CNTN5: variants seen among roughly 807,000 people sequenced by gnomAD.
The protein encoded by CNTN5 is contactin 5, also known as contactin-5.
In CNTN5, 77 loss-of-function variants were observed where a neutral mutation model predicts 129.1. That is an observed-to-expected ratio of 0.60 (90% confidence interval 0.50 to 0.72). The LOEUF is 0.72. CNTN5 is among the 30% of genes least tolerant of loss of function. The pLI, the probability that CNTN5 is intolerant of heterozygous loss-of-function variation, is 0.00. For missense variants in CNTN5, 1,478 were observed against 1,328.8 expected, an observed-to-expected ratio of 1.11 and a Z score of -1.75; for synonymous variants, 509 against 465.6, an observed-to-expected ratio of 1.09 and a Z score of -1.20.
chr11:99,630,467 C>T (rs1373723871), intron 3 of CNTN5, among the ~76,000 whole-genome samples: 1 of 151,960 alleles, frequency 6.6e-6, no homozygotes, highest in African/African-American at 2.4e-5. Context: ...ATAGGTGACT[C>T]AAATGATTAC....
intron 13 of CNTN5, among the ~76,000 whole-genome samples, chr11:100,138,221 C>G (rs569361088): frequency 1.3e-5 from 2 of 148,228 alleles, no homozygotes; most frequent in African/African-American, 5.0e-5. Flanking sequence ...GTTCTGTAGG[C>G]AAGTGGATAT....
chr11:99,097,317 T>C (rs191865696), intron 1 of CNTN5, among the ~76,000 whole-genome samples: 2 of 152,010 alleles, frequency 1.3e-5, no homozygotes, highest in South Asian at 2.1e-4. Flanking sequence ...GGAGATTATA[T>C]ACGTTCCACT....
intron 2 of CNTN5, among the ~76,000 whole-genome samples, chr11:99,349,798 G>A (rs905652593): frequency 2.0e-5 from 3 of 152,176 alleles, no homozygotes; most frequent in Non-Finnish European, 4.4e-5. Flanking sequence ...GGATAAGAAT[G>A]TGATAAAACA....
chr11:99,280,179 AG>A (rs1381031976), intron 1 of CNTN5, among the ~76,000 whole-genome samples: 1 of 151,792 alleles, frequency 6.6e-6, no homozygotes, highest in Non-Finnish European at 1.5e-5. Flanking sequence ...TAAATACAAA[AG>A]AAAAAATACT....
chr11:99,719,605 TAAC>T (rs1943098696), intron 3 of CNTN5, among the ~76,000 whole-genome samples: 1 of 151,856 alleles, frequency 6.6e-6, no homozygotes. Flanking sequence ...GATCTCAAAT[TAAC>T]AACCTAACTT....
intron 9 of CNTN5, among the ~76,000 whole-genome samples, chr11:100,044,622 C>A (rs1942568276): frequency 6.7e-6 from 1 of 148,672 alleles, no homozygotes; most frequent in African/African-American, 2.5e-5. Flanking sequence ...ATTTTTGTGT[C>A]TTTTTTTTTG....
intron 2 of CNTN5, among the ~76,000 whole-genome samples, chr11:99,555,239 A>G (rs1238970543): frequency 2.0e-5 from 3 of 152,030 alleles, no homozygotes; most frequent in African/African-American, 7.2e-5. Context: ...GGGATCAGAT[A>G]CCAAGAAGGC....
intron 1 of CNTN5, among the ~76,000 whole-genome samples, chr11:99,089,693 T>A (rs1866159879): frequency 6.6e-6 from 1 of 152,206 alleles, no homozygotes; most frequent in Non-Finnish European, 1.5e-5. Flanking sequence ...AATTTTAAAG[T>A]ATCTAAGTGT....
chr11:99,554,965 A>G lies in CNTN5; in HGVS notation c.-70-1180A>G, dbSNP rs188792897. 1.1e-3 allele frequency among the ~76,000 whole-genome samples: 165 copies of G among 152,160 alleles called. 2 individuals carry two copies. Among genetic ancestry groups the G allele is most frequent in the African/African-American group, 3.7e-3 (155 of 41,548 alleles). ...AAATTCTTTTGTTTAGGCTTGTTATAAATAAATTAACCATTATTGTCTTAA... is the reference window on the plus strand; with the variant it reads ...AAATTCTTTTGTTTAGGCTTGTTATGAATAAATTAACCATTATTGTCTTAA... On this transcript the variant is annotated intron_variant, in intron 2 of 24. Transcript: ENST00000524871.
intron 21 of CNTN5, among the ~76,000 whole-genome samples, chr11:100,329,061 T>C (rs1465935381): frequency 6.6e-6 from 1 of 152,074 alleles, no homozygotes; most frequent in Admixed American, 6.5e-5. Context: ...TGCCCGGAAA[T>C]AAACTCAGTG....
At chr11:100,307,857 C>A (rs550661368) in intron 20 of CNTN5, among the ~76,000 whole-genome samples, 2 of 151,732 alleles carry the variant, frequency 1.3e-5, no homozygotes, top group Non-Finnish European at 3.0e-5. Context: ...TATATACATT[C>A]TAATTAAAGC....
rs561941221 is a variant in CNTN5, at chr11:100,147,549, C to T, written c.1581-43577C>T. Among the ~76,000 whole-genome samples the T allele has an allele frequency of 5.9e-5, 9 of 152,104 alleles. No homozygotes were observed. The East Asian group carries it at 1.2e-3, about 20-fold the overall frequency. On this transcript the variant is annotated intron_variant, in intron 13 of 24. Coordinates refer to ENST00000524871, the MANE Select transcript of CNTN5 (RefSeq NM_014361.4). Reference sequence around the variant, plus strand: ...AGCTGGGTCAGTTCTGCTCGGAAGCCGCGATTTATACACACGTCTCCACCA... The same window carrying T: ...AGCTGGGTCAGTTCTGCTCGGAAGCTGCGATTTATACACACGTCTCCACCA...
At chr11:100,188,798 A>T (rs1223383166) in intron 13 of CNTN5, among the ~76,000 whole-genome samples, 1 of 152,188 alleles carries the variant, frequency 6.6e-6, no homozygotes, top group East Asian at 1.9e-4. Flanking sequence ...TTGTAGCACT[A>T]GTCACAATAA....
At chr11:100,107,488 C>CTTTT (rs10630943) in intron 13 of CNTN5, among the ~76,000 whole-genome samples, 8 of 130,502 alleles carry the variant, frequency 6.1e-5, no homozygotes, top group African/African-American at 2.3e-4. Flanking sequence ...CTATAGTATT[C>CTTTT]TTTTTTTTTT....
chr11:99,813,662 G>A (rs1271179817), intron 3 of CNTN5, among the ~76,000 whole-genome samples: 1 of 151,988 alleles, frequency 6.6e-6, no homozygotes, highest in East Asian at 1.9e-4. Context: ...TGTTTCCTAG[G>A]GTGTGCCAAC....
chr11:100,308,582 C>T, intron 21 of CNTN5, 114 bp downstream of exon 21: 1 of 1,427,758 alleles, frequency 7.0e-7, no homozygotes, highest in Non-Finnish European at 9.2e-7. Context: ...AGAAATTTTG[C>T]TCTATGTTAA....
chr11:99,969,136 T>A (rs546141620), intron 8 of CNTN5, among the ~76,000 whole-genome samples: 1 of 85,000 alleles, frequency 1.2e-5, no homozygotes, highest in African/African-American at 3.0e-5. Context: ...ATAAAGAGAA[T>A]TTTTTATCAG....
At chr11:99,024,884 T>C (rs1380940294) in intron 1 of CNTN5, among the ~76,000 whole-genome samples, 1 of 152,016 alleles carries the variant, frequency 6.6e-6, no homozygotes, top group Non-Finnish European at 1.5e-5. Flanking sequence ...GTCATATTCA[T>C]TTCCTGTGTA....
chr11:99,026,598 A>T (rs1239504696), intron 1 of CNTN5, among the ~76,000 whole-genome samples: 2 of 151,632 alleles, frequency 1.3e-5, no homozygotes, highest in Non-Finnish European at 3.0e-5. Context: ...TTGATGATTA[A>T]TTGTGGAACC....
Sources: gnomAD v4.1 joint callset for allele counts (sites outside exome capture counted in the v4.1 genomes callset) on GRCh38, gnomAD v4.1.1 for gene constraint, MANE v1.5 for transcripts, NCBI Gene and HGNC (gene_info 2026-07-23, HGNC 2026-07-21) for gene names.